Variants in CEP44 observed in about 807,000 individuals in gnomAD.
CEP44 encodes the protein centrosomal protein 44.
A neutral mutation model predicts 46.7 loss-of-function variants in CEP44; 45 were observed. The observed-to-expected ratio is 0.96, with a 90% CI of 0.76 to 1.24. The LOEUF is 1.24. Ranked by LOEUF, CEP44 falls within the 50% of genes most tolerant of loss-of-function variation. The pLI is 0.00. For missense variants in CEP44, 475 were observed against 459.7 expected (o/e 1.03, Z -0.30); for synonymous variants, 142 against 146.0 (o/e 0.97, Z 0.20).
Position 174,326,220 on chromosome 4 carries a change from GTA to G in CEP44, c.1087-5260_1087-5259del, listed in dbSNP as rs983640115. ...TTGGCTTATGAAGTATCCTGTGTGT[GTA>G]TGTGTGTGTGTGTGTCTGTGTGTGT... On this transcript the variant is annotated intron_variant, in intron 8 of 8. Transcript: ENST00000426172. The surrounding 1 kb of genome is among the most constrained non-coding windows in gnomAD (Gnocchi z 4.8). Among the ~76,000 whole-genome samples, 2 of 151,476 alleles carry G rather than the reference GTA, an allele frequency of 1.3e-5. No homozygotes were observed. The highest frequency in any genetic ancestry group is 6.6e-5 in the Admixed American group (1 of 15,172).
In CEP44 at chr4:174,319,920, GTTGA is replaced by G. The variant is rs989952215; in HGVS notation, c.*2540_*2543del. 5 of 985,006 alleles carry G rather than the reference GTTGA, an allele frequency of 5.1e-6. No individual in the cohort carries two copies. The African/African-American group carries it at 8.7e-5, about 17-fold the overall frequency. 61.0% of individuals were successfully genotyped at this position (985,006 alleles called of 1,614,324 possible). On this transcript the variant is annotated 3_prime_UTR_variant, in exon 12 of 12. Coordinates refer to ENST00000503780, the MANE Select transcript of CEP44 (RefSeq NM_001040157.3). ...GGTTTCTAGTTATAAACTAGCCACT[GTTGA>G]TTAACTTGAGAAGGTGAAGCAGGGG...
chr4:174,289,807 A>AG (rs972119036), intron 1 of CEP44, among the ~76,000 whole-genome samples: 1 of 149,012 alleles, frequency 6.7e-6, no homozygotes, highest in African/African-American at 2.5e-5. Flanking sequence ...TAGTTCCTTG[A>AG]GGTGTAAAGT....
chr4:174,317,541 C>A lies in CEP44; in HGVS notation c.*158C>A. 1 of 1,173,134 alleles carries A rather than the reference C, an allele frequency of 8.5e-7. No homozygotes were observed. Among genetic ancestry groups the A allele is most frequent in the East Asian group, 3.9e-5 (1 of 25,878 alleles). The allele number at this position is 1,173,134 out of a possible 1,614,324, so 72.7% of individuals were successfully genotyped here. On this transcript the variant is annotated 3_prime_UTR_variant, in exon 12 of 12. Coordinates refer to ENST00000503780, the MANE Select transcript of CEP44 (RefSeq NM_001040157.3). The stretch of plus-strand genomic sequence containing the variant: ...TTTTTGCATTCATTATTGAATAACT[C>A]TTTTAATATTTTTGAGCAATGATTA...
downstream of CEP44, among the ~76,000 whole-genome samples, chr4:174,324,907 A>G (rs907488905): frequency 6.6e-6 from 1 of 152,086 alleles, no homozygotes; most frequent in Non-Finnish European, 1.5e-5. Flanking sequence ...TTCAACCCCC[A>G]TAGAGCAGGC....
Position 174,326,438 on chromosome 4 carries a change from G to A in CEP44, c.1087-5044G>A, listed in dbSNP as rs568911358. Among the ~76,000 whole-genome samples, 1 of 151,862 alleles carries A rather than the reference G, an allele frequency of 6.6e-6. No individual in the cohort carries two copies. The highest frequency in any genetic ancestry group is 1.9e-4 in the East Asian group (1 of 5,180). On this transcript the variant is annotated intron_variant, in intron 8 of 8. Coordinates refer to the CEP44 transcript ENST00000426172. This position sits in a 1 kb window ranked among gnomAD's most constrained non-coding sequence, Gnocchi z 4.8. ...TATACTTTTCATTCTTTCTGCGCCC[G>A]CCAAGCCTTTTTTTGTCAAACATTG...
intron 9 of CEP44, among the ~76,000 whole-genome samples, chr4:174,315,849 A>G (rs1193830749): frequency 3.3e-5 from 5 of 151,544 alleles, no homozygotes; most frequent in East Asian, 3.9e-4. Flanking sequence ...TCAAAAAAAA[A>G]AAAAAAAAAA....
rs1218711206 is a variant in CEP44 at position 174,290,864 on chromosome 4, T to C, written c.-148+6921T>C. ...CATATGTATTTTTAGTTGTTGTATCTTTCTATTGAATTGACCCTTTTACTA... is the reference window on the plus strand; with the variant it reads ...CATATGTATTTTTAGTTGTTGTATCCTTCTATTGAATTGACCCTTTTACTA... On this transcript the variant is annotated intron_variant, in intron 1 of 11. Coordinates refer to ENST00000503780, the MANE Select transcript of CEP44 (RefSeq NM_001040157.3). This position sits in a 1 kb window ranked among gnomAD's most constrained non-coding sequence, Gnocchi z 4.3. Among the ~76,000 whole-genome samples the C allele has an allele frequency of 1.3e-5, 2 of 152,246 alleles. No homozygotes were observed. Among genetic ancestry groups the C allele is most frequent in the African/African-American group, 4.8e-5 (2 of 41,472 alleles).
Position 174,310,055 on chromosome 4 carries a change from A to G in CEP44, c.884A>G (p.Lys295Arg). The G allele has an allele frequency of 6.2e-7, 1 of 1,609,802 alleles. No homozygotes were observed. The highest frequency in any genetic ancestry group is 8.5e-7 in the Non-Finnish European group (1 of 1,178,056). Residue 295 changes from lysine (K) to arginine (R), a missense_variant and splice_region_variant, in exon 8 of 12, where the codon AAG becomes AGG. Transcript: ENST00000503780. This position sits in a 1 kb window ranked among gnomAD's most constrained non-coding sequence, Gnocchi z 4.2. ...GAAACAGAAATGCTTTTGTCTAAAAAGGTATTTTCCTCCTTTAACATTTAT... is the reference window on the plus strand; with the variant it reads ...GAAACAGAAATGCTTTTGTCTAAAAGGGTATTTTCCTCCTTTAACATTTAT... ...LLETEMLLSK[K>R]NDEFIEFNEV... is the part of the protein sequence containing the mutation.
chr4:174,285,730 A>G (rs1737515175), intron 1 of CEP44, among the ~76,000 whole-genome samples: 1 of 152,240 alleles, frequency 6.6e-6, no homozygotes, highest in African/African-American at 2.4e-5. Context: ...GTGTTACGAT[A>G]GATGGGTCTG....
At position 174,312,979 on chromosome 4, in the gene CEP44, G is replaced by A. The variant is rs4695920; in HGVS notation, c.961+2121G>A. On this transcript the variant is annotated intron_variant, in intron 9 of 11. Transcript: ENST00000503780. The surrounding 1 kb of genome is among the most constrained non-coding windows in gnomAD (Gnocchi z 4.5). ...AAGAGTGAATTAGCAGAGGCTTTTA[G>A]GGATTGGACTTGTGTTGGATAATTT... 0.57 allele frequency among the ~76,000 whole-genome samples: 87,060 copies of A among 151,908 alleles called. 26,357 individuals carry two copies. The highest frequency in any genetic ancestry group is 0.74 in the African/African-American group (30,721 of 41,414).
rs182079804 is a variant in CEP44, at chr4:174,290,057, T to C, written c.-148+6114T>C. Among the ~76,000 whole-genome samples the C allele has an allele frequency of 0.013, 2,020 of 152,260 alleles. 18 individuals carry two copies. The highest frequency in any genetic ancestry group is 0.02 in the African/African-American group (827 of 41,536). ...TTTTTGTAGAGATGGGGTTTCACCA[T>C]GTTAGCCAGGATGGTCTCAATCTCT... On this transcript the variant is annotated intron_variant, in intron 1 of 11. Transcript: ENST00000503780. The surrounding 1 kb of genome is among the most constrained non-coding windows in gnomAD (Gnocchi z 4.3).
At position 174,310,658 on chromosome 4, in the gene CEP44, TA is replaced by T; in HGVS notation, c.886-119del. The T allele has an allele frequency of 1.8e-6, 1 of 567,878 alleles. No individual in the cohort carries two copies. Among genetic ancestry groups the T allele is most frequent in the African/African-American group, 2.0e-5 (1 of 51,086 alleles). 35.2% of individuals were successfully genotyped at this position (567,878 alleles called of 1,614,324 possible). ...ATATGCAGTATATGTATTGCTTTAA[TA>T]AAAAATTAAAAATATTTAAACATTT... is the stretch of plus-strand genomic sequence containing the variant. On this transcript the variant is annotated intron_variant, in intron 8 of 11. Coordinates refer to ENST00000503780, the MANE Select transcript of CEP44 (RefSeq NM_001040157.3). This position sits in a 1 kb window ranked among gnomAD's most constrained non-coding sequence, Gnocchi z 4.2.
intron 1 of CEP44, among the ~76,000 whole-genome samples, chr4:174,292,178 T>C (rs942938103): frequency 6.6e-6 from 1 of 152,184 alleles, no homozygotes. Flanking sequence ...GTTGAATATG[T>C]CATTCCCTCT....
chr4:174,304,185 T>A (rs879117047), intron 5 of CEP44, 62 bp from the exon 6 acceptor site: 1 of 1,500,500 alleles, frequency 6.7e-7, no homozygotes, highest in Admixed American at 2.4e-5. Context: ...TTAATGGAAT[T>A]TTAATATATA....
rs149407243 is a variant in CEP44, at chr4:174,328,622, T to G, written c.1087-2860T>G. ...TGAAGCATTGATTAGAGTCTTATGG[T>G]GTATCCAGAAAATTGTCTGTAATTT... On this transcript the variant is annotated intron_variant, in intron 8 of 8. Transcript: ENST00000426172. 2.6e-5 allele frequency among the ~76,000 whole-genome samples: 4 copies of G among 152,320 alleles called. No individual in the cohort carries two copies. In the East Asian group the frequency reaches 5.8e-4, roughly 22 times the overall value.
At chr4:174,284,282 C>A in intron 1 of CEP44, 1 of 389,544 alleles carries the variant, frequency 2.6e-6, no homozygotes, top group African/African-American at 2.1e-5. Context: ...GGGAGGGGAG[C>A]CTTGCTTATA....
In CEP44 at chr4:174,317,361, A is replaced by G. The variant is rs1188231162; in HGVS notation, c.1151A>G (p.Lys384Arg). The change falls in exon 12 of 12, where the codon AAA becomes AGA. Residue 384 changes from lysine to arginine, a missense_variant. By Grantham distance (26) the Lys-to-Arg change is conservative. Transcript: ENST00000503780. ...TTTGAAGAAACTGCAGAGTTACTGAAATGTCCAAATCACTACTTGTAGGAT... is the reference window on the plus strand; with the variant it reads ...TTTGAAGAAACTGCAGAGTTACTGAGATGTCCAAATCACTACTTGTAGGAT... ...KMFEETAELLKCPNHYL is the reference protein window; with the variant it reads ...KMFEETAELLRCPNHYL 7.0e-7 allele frequency: 1 copy of G among 1,419,082 alleles called. No individual in the cohort carries two copies. The highest frequency in any genetic ancestry group is 9.4e-7 in the Non-Finnish European group (1 of 1,063,732). The allele number at this position is 1,419,082 out of a possible 1,614,324, so 87.9% of individuals were successfully genotyped here.
rs538007871 is a variant in CEP44, at chr4:174,293,605, C to T, written c.-147-4361C>T. Among the ~76,000 whole-genome samples, 3 of 152,136 alleles carry T rather than the reference C, an allele frequency of 2.0e-5. No individual in the cohort carries two copies. In the South Asian group the frequency reaches 6.2e-4, roughly 32 times the overall value. On this transcript the variant is annotated intron_variant, in intron 1 of 11. Transcript: ENST00000503780. ...ATATTTCATTCTAATCATTTATTGCCAGTATATAGGAAAACATTTGACTTT... is the reference window on the plus strand; with the variant it reads ...ATATTTCATTCTAATCATTTATTGCTAGTATATAGGAAAACATTTGACTTT...
Position 174,288,010 on chromosome 4 carries a change from A to G in CEP44, c.-148+4067A>G, listed in dbSNP as rs963137498. ...ATTTTGTAGTCCAGGCCCTTAATTAAGTAGATAACACACTCAGAAGGAGAA... is the reference window on the plus strand; with the variant it reads ...ATTTTGTAGTCCAGGCCCTTAATTAGGTAGATAACACACTCAGAAGGAGAA... On this transcript the variant is annotated intron_variant, in intron 1 of 11. Transcript: ENST00000503780. This position sits in a 1 kb window ranked among gnomAD's most constrained non-coding sequence, Gnocchi z 4.6. Among the ~76,000 whole-genome samples the G allele has an allele frequency of 2.0e-5, 3 of 152,216 alleles. No homozygotes were observed. Among genetic ancestry groups the G allele is most frequent in the Non-Finnish European group, 2.9e-5 (2 of 68,034 alleles).
Sources: gnomAD v4.1 joint callset for allele counts (sites outside exome capture counted in the v4.1 genomes callset) on GRCh38, gnomAD v4.1.1 for gene constraint, Gnocchi (gnomAD v3.1) non-coding constraint, MANE v1.5 for transcripts, NCBI Gene and HGNC (gene_info 2026-07-23, HGNC 2026-07-21) for gene names.